Variants in KDM3A observed in about 807,000 individuals in gnomAD.
KDM3A encodes lysine demethylase 3A.
KDM3A carries 60 observed loss-of-function variants against 158.0 expected under a neutral mutation model. The observed-to-expected ratio is 0.38, with a 90% CI of 0.31 to 0.47. KDM3A has a LOEUF of 0.47. KDM3A is among the 20% of genes least tolerant of loss of function. KDM3A has a pLI of 0.99. For missense variants in KDM3A, 1,319 were observed against 1,574.3 expected (o/e 0.84, Z 2.74); for synonymous variants, 608 against 549.3 (o/e 1.11, Z -1.49).
intron 2 of KDM3A, among the ~76,000 whole-genome samples, chr2:86,446,188 A>G (rs189367153): frequency 6.6e-6 from 1 of 152,326 alleles, no homozygotes; most frequent in East Asian, 1.9e-4. Flanking sequence ...AGGTACTAAT[A>G]AGGTACACAT....
chr2:86,442,306 C>T lies in KDM3A; in HGVS notation c.186+73C>T, dbSNP rs907204003. ...TGGTAACGCGACCATCGGTTCCCTC[C>T]TTCCGTTTTCTGAAAACGGAGACCA... On this transcript the variant is annotated intron_variant, in intron 2 of 25. Coordinates refer to ENST00000312912, the MANE Select transcript of KDM3A (RefSeq NM_018433.6). 27 of 1,393,224 alleles carry T rather than the reference C, an allele frequency of 1.9e-5. No individual in the cohort carries two copies. In the African/African-American group the frequency reaches 3.5e-4, roughly 18 times the overall value. 86.3% of individuals were successfully genotyped at this position (1,393,224 alleles called of 1,614,324 possible).
intron 23 of KDM3A, 185 bp from the exon 24 acceptor site, chr2:86,490,696 C>G (rs72845606): frequency 0.011 from 5,972 of 523,202 alleles, 47 homozygotes; most frequent in Middle Eastern, 0.019. Flanking sequence ...ACATTTTCTT[C>G]GTCATTCTTC....
intron 4 of KDM3A, among the ~76,000 whole-genome samples, chr2:86,454,127 C>A (rs1672588804): frequency 1.3e-5 from 2 of 152,162 alleles, no homozygotes; most frequent in South Asian, 2.1e-4. Flanking sequence ...GTTTGTCCCC[C>A]CACCTCCCTT....
At chr2:86,467,214 G>A in intron 10 of KDM3A, 1 of 173,260 alleles carries the variant, frequency 5.8e-6, no homozygotes, top group Admixed American at 5.6e-5. Flanking sequence ...GATTTAACTG[G>A]TTCCTATTAG....
In KDM3A at chr2:86,449,792, A is replaced by G. The variant is rs1463686619; in HGVS notation, c.187-15A>G. 6.3e-7 allele frequency: 1 copy of G among 1,575,686 alleles called. No homozygotes were observed. On this transcript the variant is annotated splice_polypyrimidine_tract_variant and intron_variant, in intron 2 of 25. Coordinates refer to ENST00000312912, the MANE Select transcript of KDM3A (RefSeq NM_018433.6). ...TTGAATCTGCTTCCCCCACCCCCCAATTTTGTCTGTCTAGGTGTGTGTGGA... is the reference window on the plus strand; with the variant it reads ...TTGAATCTGCTTCCCCCACCCCCCAGTTTTGTCTGTCTAGGTGTGTGTGGA...
intron 20 of KDM3A, 60 bp from the exon 21 acceptor site, chr2:86,485,669 A>T (rs1674143608): frequency 1.3e-6 from 2 of 1,594,148 alleles, no homozygotes; most frequent in South Asian, 2.2e-5. Context: ...AAAACAGGTT[A>T]CACAATAATG....
intron 4 of KDM3A, 71 bp downstream of exon 4, chr2:86,451,284 C>G (rs1227206225): frequency 5.3e-6 from 5 of 943,284 alleles, no homozygotes; most frequent in Non-Finnish European, 8.0e-6. Context: ...AAGTAAAGTA[C>G]AGTTGAACCT....
At position 86,470,292 on chromosome 2, in the gene KDM3A, T is replaced by C. The variant is rs754474938; in HGVS notation, c.1608T>C (p.Cys536=). Residue 536 remains cysteine, a synonymous_variant, in exon 11 of 26, where the codon TGT becomes TGC. Transcript: ENST00000312912. ...AGGCCTTCGTACAGGATGATTCTTG[T>C]GTGAACATCGTGGCACAGTTGCCTA... ...SGEAFVQDDS[C]VNIVAQLPKC... The C allele has an allele frequency of 1.9e-6, 3 of 1,614,158 alleles. No homozygotes were observed. Among genetic ancestry groups the C allele is most frequent in the Middle Eastern group, 1.7e-4 (1 of 6,058 alleles).
upstream of KDM3A, among the ~76,000 whole-genome samples, chr2:86,439,139 ATCT>A (rs539372309): frequency 1.3e-5 from 2 of 152,012 alleles, no homozygotes; most frequent in Non-Finnish European, 2.9e-5. Context: ...TACACTTATA[ATCT>A]TCTTAGTTTT....
chr2:86,455,969 A>G (rs963521954), intron 5 of KDM3A, among the ~76,000 whole-genome samples: 25 of 151,584 alleles, frequency 1.6e-4, no homozygotes, highest in East Asian at 3.9e-4. Flanking sequence ...AAAAAAAAAA[A>G]AAAAGAAAAG....
chr2:86,480,046 A>G, intron 15 of KDM3A, 121 bp from the exon 16 acceptor site: 1 of 733,700 alleles, frequency 1.4e-6, no homozygotes, highest in Non-Finnish European at 2.3e-6. Context: ...AGGGCTAACT[A>G]TTAGGTGGTT....
chr2:86,447,396 CTG>C (rs1682999989), intron 2 of KDM3A, among the ~76,000 whole-genome samples: 2 of 146,552 alleles, frequency 1.4e-5, no homozygotes, highest in Admixed American at 6.9e-5. Context: ...CTGGTAAGAA[CTG>C]TGATGTTGCT....
intron 23 of KDM3A, 193 bp downstream of exon 23, chr2:86,489,852 A>G: frequency 2.1e-6 from 1 of 487,258 alleles, no homozygotes; most frequent in East Asian, 3.2e-5. Context: ...TTACACTTCT[A>G]AAAAAAGCAG....
Position 86,457,086 on chromosome 2 carries a change from T to C in KDM3A, c.843+15T>C, listed in dbSNP as rs764424175. ...CTTGCTCTGAGGTAACCTTTATTTA[T>C]GTCACTTGTGTAAAGCTTTCCTTAA... On this transcript the variant is annotated intron_variant, in intron 8 of 25. Transcript: ENST00000312912. The C allele has an allele frequency of 4.4e-6, 6 of 1,377,314 alleles. No individual in the cohort carries two copies. The Admixed American group carries it at 1.0e-4, about 24-fold the overall frequency. The allele number at this position is 1,377,314 out of a possible 1,614,324, so 85.3% of individuals were successfully genotyped here.
At chr2:86,478,291 C>G in intron 14 of KDM3A, 26 bp downstream of exon 14, 1 of 1,535,368 alleles carries the variant, frequency 6.5e-7, no homozygotes, top group African/African-American at 1.4e-5. Context: ...CAGTGATTTT[C>G]TTTCCCCTTG....
chr2:86,452,418 T>A (rs1672508147), intron 4 of KDM3A, among the ~76,000 whole-genome samples: 1 of 152,168 alleles, frequency 6.6e-6, no homozygotes, highest in African/African-American at 2.4e-5. Context: ...TGTCAATTGG[T>A]TGTTGAAAAT....
chr2:86,480,412 G>A (rs367689387), intron 16 of KDM3A, 50 bp downstream of exon 16: 45 of 1,493,258 alleles, frequency 3.0e-5, no homozygotes, highest in Middle Eastern at 1.9e-4. Flanking sequence ...TAGTCCATTC[G>A]TGGAAGGACT....
rs1008588478 is a variant in KDM3A, at chr2:86,442,086, G to A, written c.39G>A (p.Val13=). ...LTLGESWPVL[V]GRRFLSLSAA... ...TCGGAGAAAGTTGGCCGGTATTGGTGGGGAGGAGGTTTCTCAGTCTGTCCG... is the reference window on the plus strand; with the variant it reads ...TCGGAGAAAGTTGGCCGGTATTGGTAGGGAGGAGGTTTCTCAGTCTGTCCG... The change falls in exon 2 of 26, where the codon GTG becomes GTA. Residue 13 remains valine, a synonymous_variant. Transcript: ENST00000312912. The A allele has an allele frequency of 1.2e-6, 2 of 1,614,040 alleles. No homozygotes were observed. Among genetic ancestry groups the A allele is most frequent in the African/African-American group, 1.3e-5 (1 of 74,922 alleles).
intron 6 of KDM3A, 97 bp downstream of exon 6, chr2:86,456,663 T>A: frequency 7.6e-7 from 1 of 1,316,646 alleles, no homozygotes; most frequent in Non-Finnish European, 1.1e-6. Context: ...CCTTTATTAT[T>A]TTATAGGGTA....
Sources: gnomAD v4.1 joint callset for allele counts (sites outside exome capture counted in the v4.1 genomes callset) on GRCh38, gnomAD v4.1.1 for gene constraint, MANE v1.5 for transcripts, NCBI Gene and HGNC (gene_info 2026-07-23, HGNC 2026-07-21) for gene names.